The following CKAP2 variants were observed in gnomAD, a reference collection of about 807,000 sequenced individuals.
CKAP2 encodes the protein cytoskeleton-associated protein 2.
CKAP2 carries 46 observed loss-of-function variants against 58.4 expected under a neutral mutation model. The ratio of observed to expected loss-of-function variants is 0.79; its 90% CI spans 0.62 to 1.01. The LOEUF (loss-of-function observed/expected upper bound fraction) is 1.01. CKAP2 is among the 50% of genes least tolerant of loss of function. The probability of loss-of-function intolerance (pLI) is 0.00; values close to 1 mark genes in which losing one functional copy is unlikely to be tolerated. For synonymous variants in CKAP2, 293 were observed against 280.9 expected (o/e 1.04, Z -0.43); for missense variants, 809 against 796.4 (o/e 1.02, Z -0.19).
At position 52,455,927 on chromosome 13, in the gene CKAP2, C is replaced by A. The variant is rs1008091312; in HGVS notation, c.70+301C>A. The A allele has an allele frequency of 2.0e-5, 23 of 1,158,514 alleles. No individual in the cohort carries two copies. The African/African-American group carries it at 3.3e-4, about 17-fold the overall frequency. The allele number at this position is 1,158,514 out of a possible 1,614,324, so 71.8% of individuals were successfully genotyped here. The stretch of plus-strand genomic sequence containing the variant: ...TCAGGCCGGGGTCGGTGTCGGAGAC[C>A]CTGGGTCCGCTTGGGGGCGGGGCTG... On this transcript the variant is annotated intron_variant, in intron 1 of 8. Transcript: ENST00000258607.
chr13:52,464,673 A>G (rs1958637671), intron 5 of CKAP2, among the ~76,000 whole-genome samples: 1 of 151,990 alleles, frequency 6.6e-6, no homozygotes, highest in Non-Finnish European at 1.5e-5. Flanking sequence ...AATCAGCTCC[A>G]GAACAATATT....
chr13:52,460,559 C>G (rs962426255), intron 2 of CKAP2, among the ~76,000 whole-genome samples: 1 of 150,264 alleles, frequency 6.7e-6, no homozygotes, highest in Non-Finnish European at 1.5e-5. Flanking sequence ...ATTCTCCTTC[C>G]TCAGCCTCCC....
chr13:52,470,347 C>T (rs967353308), intron 7 of CKAP2, among the ~76,000 whole-genome samples: 7 of 152,002 alleles, frequency 4.6e-5, no homozygotes, highest in Non-Finnish European at 1.0e-4. Flanking sequence ...TCAGGTGATC[C>T]GCCCACCTTG....
At chr13:52,462,303 T>C in intron 4 of CKAP2, 60 bp from the exon 5 acceptor site, 2 of 1,446,556 alleles carry the variant, frequency 1.4e-6, no homozygotes, top group Non-Finnish European at 1.9e-6. Flanking sequence ...CTTTTAACTT[T>C]ATTTGACAGA....
chr13:52,457,237 A>G lies in CKAP2; in HGVS notation c.155+630A>G, dbSNP rs565516277. Among the ~76,000 whole-genome samples the G allele has an allele frequency of 2.0e-5, 3 of 152,226 alleles. No individual in the cohort carries two copies. The East Asian group carries it at 5.8e-4, about 29-fold the overall frequency. ...CGTAAATTAATTCACAGTCTAAGAGAAAAAAACAATTATAAAGCAAAGTAT... is the reference window on the plus strand; with the variant it reads ...CGTAAATTAATTCACAGTCTAAGAGGAAAAAACAATTATAAAGCAAAGTAT... On this transcript the variant is annotated intron_variant, in intron 2 of 8. Transcript: ENST00000258607.
chr13:52,460,022 C>T (rs941597539), intron 2 of CKAP2, among the ~76,000 whole-genome samples: 1 of 152,018 alleles, frequency 6.6e-6, no homozygotes, highest in Non-Finnish European at 1.5e-5. Flanking sequence ...CCACACCCAA[C>T]TAATTTTTTA....
At chr13:52,455,696 G>A (rs1220393672) in intron 1 of CKAP2, 70 bp downstream of exon 1, 6 of 1,385,750 alleles carry the variant, frequency 4.3e-6, no homozygotes, top group South Asian at 1.8e-5. Context: ...GGCGGTCGGG[G>A]CTCGGGGCCG....
At chr13:52,469,840 C>T (rs1164893917) in intron 7 of CKAP2, among the ~76,000 whole-genome samples, 3 of 149,630 alleles carry the variant, frequency 2.0e-5, no homozygotes, top group Non-Finnish European at 4.4e-5. Context: ...TCATGATCCA[C>T]CCGCCTCGGC....
In CKAP2 at chr13:52,461,701, CA is replaced by C; in HGVS notation, c.880del (p.Thr294GlnfsTer14). 8 of 1,613,586 alleles carry C rather than the reference CA, an allele frequency of 5.0e-6. No homozygotes were observed. The highest frequency in any genetic ancestry group is 1.1e-5 in the South Asian group (1 of 90,934). On this transcript the variant is annotated frameshift_variant, in exon 4 of 9. Coordinates refer to ENST00000258607, the MANE Select transcript of CKAP2 (RefSeq NM_018204.5). LOFTEE classifies it high-confidence loss of function. ...CCTCATGAAAAAGAACTATTACAAT[CA>C]AAAACAGCTTTATCTAGTGTCAAAA... The part of the protein sequence containing the change: ...KGPHEKELLQ[S>X]KTALSSVKTS...
chr13:52,460,305 ATTAC>A (rs1958549342), intron 2 of CKAP2, among the ~76,000 whole-genome samples: 1 of 152,196 alleles, frequency 6.6e-6, no homozygotes, highest in Admixed American at 6.5e-5. Context: ...CCAAGGAGGT[ATTAC>A]TTACTAAAGG....
chr13:52,463,698 G>A (rs1487597526), intron 5 of CKAP2, among the ~76,000 whole-genome samples: 1 of 152,178 alleles, frequency 6.6e-6, no homozygotes, highest in Non-Finnish European at 1.5e-5. Flanking sequence ...GAGGGACCAG[G>A]AAGTGGGTTC....
intron 6 of CKAP2, among the ~76,000 whole-genome samples, chr13:52,466,647 A>G (rs891626437): frequency 1.3e-5 from 2 of 152,238 alleles, no homozygotes; most frequent in South Asian, 4.1e-4. Flanking sequence ...ATGTAACACC[A>G]GAGGAAAAGC....
At chr13:52,456,953 C>T (rs906278255) in intron 2 of CKAP2, among the ~76,000 whole-genome samples, 2 of 151,760 alleles carry the variant, frequency 1.3e-5, no homozygotes, top group East Asian at 1.9e-4. Context: ...AGTGCAGTAG[C>T]GTGATCTTGG....
At position 52,473,840 on chromosome 13, in the gene CKAP2, G is replaced by A; in HGVS notation, c.1558G>A (p.Glu520Lys). Reference sequence around the variant, plus strand: ...TGTATTTTCTATAGGAGAAAATATGGAGAAGTCTTGTGCAAGCAAGGAAGA... The same window carrying A: ...TGTATTTTCTATAGGAGAAAATATGAAGAAGTCTTGTGCAAGCAAGGAAGA... Reference protein sequence around the residue: ...QEKANLGENMEKSCASKEEVK... With the variant: ...QEKANLGENMKKSCASKEEVK... Residue 520 changes from glutamate (E) to lysine (K), a missense_variant, in exon 8 of 9, where the codon GAG becomes AAG. By Grantham distance (56) the Glu-to-Lys change is moderately conservative. Transcript: ENST00000258607. The A allele has an allele frequency of 6.2e-7, 1 of 1,604,070 alleles. No homozygotes were observed. Among genetic ancestry groups the A allele is most frequent in the Non-Finnish European group, 8.5e-7 (1 of 1,176,304 alleles).
intron 6 of CKAP2, among the ~76,000 whole-genome samples, chr13:52,466,955 T>G (rs1001651360): frequency 1.4e-5 from 2 of 142,860 alleles, no homozygotes; most frequent in Non-Finnish European, 3.0e-5. Flanking sequence ...ATTTTTAAAG[T>G]TTTTTTTTTG....
chr13:52,465,922 T>TATATATACACACAC (rs1379423100), intron 6 of CKAP2: 3 of 324,504 alleles, frequency 9.2e-6, no homozygotes, highest in South Asian at 2.7e-5. Flanking sequence ...TATACACACA[T>TATATATACACACAC]ATATATACAC....
At chr13:52,457,344 G>T (rs1165363558) in intron 2 of CKAP2, among the ~76,000 whole-genome samples, 1 of 152,192 alleles carries the variant, frequency 6.6e-6, no homozygotes. Context: ...TTTTTACTCA[G>T]TGTATGGGGG....
chr13:52,465,178 T>G (rs940526403), intron 5 of CKAP2, 117 bp from the exon 6 acceptor site: 9 of 790,696 alleles, frequency 1.1e-5, no homozygotes, highest in Non-Finnish European at 1.4e-5. Flanking sequence ...AATGTTTCAT[T>G]TTTTTGCTTT....
At chr13:52,463,056 G>C (rs1242225084) in intron 5 of CKAP2, among the ~76,000 whole-genome samples, 1 of 152,188 alleles carries the variant, frequency 6.6e-6, no homozygotes, top group Non-Finnish European at 1.5e-5. Context: ...TCCTGCCTCA[G>C]CCTCCAGAGT....
Sources: gnomAD v4.1 joint callset for allele counts (sites outside exome capture counted in the v4.1 genomes callset) on GRCh38, gnomAD v4.1.1 for gene constraint, MANE v1.5 for transcripts, NCBI Gene and HGNC (gene_info 2026-07-23, HGNC 2026-07-21) for gene names.